Variants in PRKCA observed in about 807,000 individuals in gnomAD.
PRKCA encodes the protein protein kinase C alpha type.
In PRKCA, 27 loss-of-function variants were observed where a neutral mutation model predicts 87.0. The observed-to-expected ratio is 0.31, with a 90% CI of 0.23 to 0.43. The LOEUF (loss-of-function observed/expected upper bound fraction) is 0.43, where lower values mean the gene tolerates loss of function less well. Ranked by LOEUF, PRKCA falls within the 20% of genes least tolerant of loss-of-function variation. PRKCA has a pLI of 1.00. For missense variants in PRKCA, 518 were observed against 852.3 expected, an observed-to-expected ratio of 0.61 and a Z score of 4.88; for synonymous variants, 329 against 311.1, an observed-to-expected ratio of 1.06 and a Z score of -0.61.
chr17:66,453,860 A>C (rs1438106801), intron 2 of PRKCA, among the ~76,000 whole-genome samples: 2 of 152,210 alleles, frequency 1.3e-5, no homozygotes, highest in African/African-American at 4.8e-5. Flanking sequence ...AAGTCAGAAT[A>C]CTTTGGGTTT....
chr17:66,665,039 A>G (rs1972008555), intron 5 of PRKCA, among the ~76,000 whole-genome samples: 3 of 152,158 alleles, frequency 2.0e-5, no homozygotes, highest in African/African-American at 7.2e-5. Context: ...TATTCATTGC[A>G]GAATCCCCGA....
At chr17:66,559,656 T>C (rs1271848867) in intron 3 of PRKCA, among the ~76,000 whole-genome samples, 3 of 152,094 alleles carry the variant, frequency 2.0e-5, no homozygotes, top group Admixed American at 2.0e-4. Flanking sequence ...GATGGACTTA[T>C]AAGTCTTCAT....
At chr17:66,517,068 G>A (rs990201735) in intron 3 of PRKCA, among the ~76,000 whole-genome samples, 6 of 152,118 alleles carry the variant, frequency 3.9e-5, no homozygotes, top group African/African-American at 9.7e-5. Flanking sequence ...GGCGGATCAC[G>A]AGGTCAAGAA....
At chr17:66,738,620 A>G in intron 10 of PRKCA, 144 bp from the exon 11 acceptor site, 1 of 682,908 alleles carries the variant, frequency 1.5e-6, no homozygotes, top group Non-Finnish European at 2.6e-6. Context: ...TTTGGAAAAA[A>G]ATGTGAAAGA....
At chr17:66,723,490 T>C (rs1236985885) in intron 8 of PRKCA, among the ~76,000 whole-genome samples, 1 of 152,084 alleles carries the variant, frequency 6.6e-6, no homozygotes, top group African/African-American at 2.4e-5. Context: ...TAGCCAGGCA[T>C]GGTGGCATGC....
At chr17:66,711,264 C>G (rs1973320648) in intron 8 of PRKCA, among the ~76,000 whole-genome samples, 1 of 152,166 alleles carries the variant, frequency 6.6e-6, no homozygotes, top group Admixed American at 6.5e-5. Flanking sequence ...AGGCATACAT[C>G]TGCATTAGCA....
chr17:66,587,278 C>T (rs537771289), intron 3 of PRKCA, among the ~76,000 whole-genome samples: 50 of 152,118 alleles, frequency 3.3e-4, no homozygotes, highest in Non-Finnish European at 6.3e-4. Context: ...CCAAGGTATC[C>T]CAAAGTTGAT....
intron 2 of PRKCA, among the ~76,000 whole-genome samples, chr17:66,383,001 C>T (rs1241478384): frequency 3.3e-5 from 5 of 152,182 alleles, no homozygotes; most frequent in African/African-American, 9.7e-5. Context: ...CCACATTATA[C>T]GTAACTGTGT....
intron 4 of PRKCA, among the ~76,000 whole-genome samples, chr17:66,644,861 A>G (rs981588579): frequency 6.6e-6 from 1 of 152,146 alleles, no homozygotes; most frequent in Admixed American, 6.5e-5. Context: ...GCAGTGGTTC[A>G]CATCCATAGT....
At chr17:66,397,790 T>C (rs750427916) in intron 2 of PRKCA, among the ~76,000 whole-genome samples, 3 of 152,132 alleles carry the variant, frequency 2.0e-5, no homozygotes, top group Non-Finnish European at 4.4e-5. Flanking sequence ...AATGGTACCA[T>C]TATTCAGGAT....
intron 13 of PRKCA, among the ~76,000 whole-genome samples, chr17:66,771,874 C>T (rs1222013275): frequency 6.6e-6 from 1 of 152,226 alleles, no homozygotes; most frequent in Non-Finnish European, 1.5e-5. Context: ...GGATTACAGG[C>T]ATGAGCCACC....
At chr17:66,569,675 A>G (rs571079611) in intron 3 of PRKCA, among the ~76,000 whole-genome samples, 4 of 152,352 alleles carry the variant, frequency 2.6e-5, no homozygotes, top group Non-Finnish European at 4.4e-5. Context: ...AAAATGGACA[A>G]TAAACATAAA....
At chr17:66,470,897 A>C (rs988897346) in intron 2 of PRKCA, among the ~76,000 whole-genome samples, 3 of 152,206 alleles carry the variant, frequency 2.0e-5, no homozygotes, top group Non-Finnish European at 4.4e-5. Context: ...TCTCCAACTA[A>C]GAGTGTGTAT....
chr17:66,391,881 A>G (rs1910376976), intron 2 of PRKCA, among the ~76,000 whole-genome samples: 1 of 152,096 alleles, frequency 6.6e-6, no homozygotes, highest in Admixed American at 6.6e-5. Context: ...ATCATCGGAA[A>G]GTAGGCACCC....
Position 66,694,263 on chromosome 17 carries a change from A to G in PRKCA, c.918+5216A>G, listed in dbSNP as rs1311298815. On this transcript the variant is annotated intron_variant, in intron 8 of 16. Coordinates refer to ENST00000413366, the MANE Select transcript of PRKCA (RefSeq NM_002737.3). ...CTTTGGGAGGCCAGGGTGCTGGATC[A>G]CGAGGTCAAGAGTTCAAGACAAGCC... Among the ~76,000 whole-genome samples the G allele has an allele frequency of 3.9e-5, 6 of 152,020 alleles. No homozygotes were observed. The East Asian group carries it at 9.7e-4, about 24-fold the overall frequency.
intron 2 of PRKCA, among the ~76,000 whole-genome samples, chr17:66,465,562 ATTTTTT>A (rs113385632): frequency 6.9e-6 from 1 of 143,902 alleles, no homozygotes; most frequent in African/African-American, 2.5e-5. Context: ...TGGCTAGTTA[ATTTTTT>A]TTTTTTTTTA....
rs118061554 is a variant in PRKCA, at chr17:66,542,942, T to C, written c.288+46659T>C. On this transcript the variant is annotated intron_variant, in intron 3 of 16. Transcript: ENST00000413366. ...TTCAAGTAGATTACTTAGAAAATGT[T>C]ATAGTCATAAAATATCTTGGAGTTA... Among the ~76,000 whole-genome samples, 603 of 152,342 alleles carry C rather than the reference T, an allele frequency of 4.0e-3. 3 individuals carry two copies. Among genetic ancestry groups the C allele is most frequent in the Non-Finnish European group, 6.6e-3 (450 of 68,026 alleles).
intron 5 of PRKCA, chr17:66,677,098 G>T (rs1192827501): frequency 6.7e-5 from 2 of 29,890 alleles, no homozygotes; most frequent in Admixed American, 3.4e-4. Context: ...TTTATTTATT[G>T]AGACTGAGTC....
chr17:66,394,527 A>C (rs1022372791), intron 2 of PRKCA, among the ~76,000 whole-genome samples: 2 of 152,162 alleles, frequency 1.3e-5, no homozygotes, highest in African/African-American at 2.4e-5. Context: ...CTAGGTGCTG[A>C]GTATTTGACA....
Sources: gnomAD v4.1 joint callset for allele counts (sites outside exome capture counted in the v4.1 genomes callset) on GRCh38, gnomAD v4.1.1 for gene constraint, MANE v1.5 for transcripts, NCBI Gene and HGNC (gene_info 2026-07-23, HGNC 2026-07-21) for gene names.